The following LRP1B variants were observed in gnomAD, a reference collection of about 807,000 sequenced individuals.
LRP1B encodes the protein LDL receptor related protein 1B, also known as low-density lipoprotein receptor-related protein 1B.
In LRP1B, 217 loss-of-function variants were observed where a neutral mutation model predicts 556.6. The observed-to-expected ratio is 0.39, with a 90% CI of 0.35 to 0.44. The LOEUF (loss-of-function observed/expected upper bound fraction) is 0.44, where lower values mean the gene tolerates loss of function less well. Ranked by LOEUF, LRP1B falls within the 20% of genes least tolerant of loss-of-function variation. The pLI is 1.00. For synonymous variants in LRP1B, 2,047 were observed against 1,865.8 expected, an observed-to-expected ratio of 1.10 and a Z score of -2.50; for missense variants, 5,053 against 5,620.8, an observed-to-expected ratio of 0.90 and a Z score of 3.23.
intron 1 of LRP1B, among the ~76,000 whole-genome samples, chr2:141,929,038 G>C (rs2104990223): frequency 6.6e-6 from 1 of 152,122 alleles, no homozygotes; most frequent in Middle Eastern, 3.4e-3. Flanking sequence ...ATTCATTTTT[G>C]CCTGGATCCT....
chr2:141,162,103 A>G (rs967624680), intron 7 of LRP1B, among the ~76,000 whole-genome samples: 4 of 152,052 alleles, frequency 2.6e-5, no homozygotes, highest in Non-Finnish European at 4.4e-5. Flanking sequence ...TATAACAGTA[A>G]CCTCAGGCCA....
At chr2:141,179,935 CAGTA>C (rs1287650235) in intron 7 of LRP1B, among the ~76,000 whole-genome samples, 1 of 139,486 alleles carries the variant, frequency 7.2e-6, no homozygotes, top group Admixed American at 7.6e-5. Flanking sequence ...ATATAGCCTA[CAGTA>C]AAATCTCAAA....
At chr2:141,004,613 T>C (rs1486692220) in intron 15 of LRP1B, among the ~76,000 whole-genome samples, 1 of 152,072 alleles carries the variant, frequency 6.6e-6, no homozygotes, top group Non-Finnish European at 1.5e-5. Context: ...TTATAATAAA[T>C]CTTCTCTCTA....
chr2:140,752,388 A>C lies in LRP1B; in HGVS notation c.5758+16825T>G, dbSNP rs140836935. Among the ~76,000 whole-genome samples the C allele has an allele frequency of 6.0e-5, 9 of 151,162 alleles. No individual in the cohort carries two copies. The East Asian group carries it at 1.8e-3, about 30-fold the overall frequency. On this transcript the variant is annotated intron_variant, in intron 35 of 90. Transcript: ENST00000389484. ...GCCCAGGTTTGGAGTGCAGTGGCACAATCTCGGCTCACTGCAAACTTCACC... is the reference window on the plus strand; with the variant it reads ...GCCCAGGTTTGGAGTGCAGTGGCACCATCTCGGCTCACTGCAAACTTCACC...
chr2:141,355,737 T>C (rs1226793612), intron 3 of LRP1B, among the ~76,000 whole-genome samples: 2 of 151,588 alleles, frequency 1.3e-5, no homozygotes, highest in Non-Finnish European at 2.9e-5. Flanking sequence ...TAACTAGTAT[T>C]ATAAGAGATA....
At chr2:141,578,408 A>G (rs1004748322) in intron 2 of LRP1B, among the ~76,000 whole-genome samples, 2 of 151,692 alleles carry the variant, frequency 1.3e-5, no homozygotes, top group Non-Finnish European at 2.9e-5. Flanking sequence ...AAAAAAAAAA[A>G]AAAGAAAAAA....
Position 140,345,729 on chromosome 2 carries a change from CAT to C in LRP1B, c.11892+5066_11892+5067del, listed in dbSNP as rs373184782. Among the ~76,000 whole-genome samples, 101 of 125,208 alleles carry C rather than the reference CAT, an allele frequency of 8.1e-4. 1 individual carries two copies. The highest frequency in any genetic ancestry group is 2.7e-3 in the African/African-American group (94 of 35,204). The allele number at this position is 125,208 out of a possible 152,430, so 82.1% of individuals were successfully genotyped here. On this transcript the variant is annotated intron_variant, in intron 77 of 90. Coordinates refer to ENST00000389484, the MANE Select transcript of LRP1B (RefSeq NM_018557.3). ...TAACTCATATATGTATATATATACA[CAT>C]ATATATACATATATATACACATATA...
intron 7 of LRP1B, among the ~76,000 whole-genome samples, chr2:141,133,998 C>A (rs1328695934): frequency 6.6e-6 from 1 of 151,838 alleles, no homozygotes; most frequent in Non-Finnish European, 1.5e-5. Flanking sequence ...TACATGCATA[C>A]CCAGAGAGAG....
chr2:140,701,167 A>C (rs17204976), intron 40 of LRP1B, among the ~76,000 whole-genome samples: 7,170 of 125,300 alleles, frequency 0.057, 256 homozygotes, highest in Middle Eastern at 0.14. Context: ...TATCTCCAAC[A>C]TTATTATAAC....
intron 2 of LRP1B, among the ~76,000 whole-genome samples, chr2:141,716,800 T>A (rs1479674074): frequency 6.6e-6 from 1 of 152,204 alleles, no homozygotes; most frequent in Non-Finnish European, 1.5e-5. Flanking sequence ...GCTCTGCAAT[T>A]GATTGTAAGC....
At chr2:141,298,251 A>G (rs1259047736) in intron 3 of LRP1B, among the ~76,000 whole-genome samples, 2 of 152,174 alleles carry the variant, frequency 1.3e-5, no homozygotes. Context: ...GCCTTGCCCA[A>G]AGAAAATTTT....
At chr2:140,816,414 C>A (rs1691126753) in intron 31 of LRP1B, among the ~76,000 whole-genome samples, 1 of 152,084 alleles carries the variant, frequency 6.6e-6, no homozygotes, top group African/African-American at 2.4e-5. Context: ...CAGCACCTGG[C>A]CCCAACTGAA....
chr2:141,942,509 A>AAAAAAAAAAAACAAACCAACCAAAAC (rs1700840021), intron 1 of LRP1B, among the ~76,000 whole-genome samples: 1 of 151,940 alleles, frequency 6.6e-6, no homozygotes, highest in African/African-American at 2.4e-5. Context: ...CAAAACAAAA[A>AAAAAAAAAAAACAAACCAACCAAAAC]AAAAAACAAA....
At chr2:140,751,419 A>G (rs1337599158) in intron 35 of LRP1B, among the ~76,000 whole-genome samples, 3 of 152,236 alleles carry the variant, frequency 2.0e-5, no homozygotes, top group African/African-American at 4.8e-5. Context: ...TTAATCTTCA[A>G]AATCCTTGTG....
rs2105373871 is a variant in LRP1B at position 141,005,419 on chromosome 2, T to C, written c.2419A>G (p.Thr807Ala). The C allele has an allele frequency of 1.2e-6, 2 of 1,611,654 alleles. No individual in the cohort carries two copies. Among genetic ancestry groups the C allele is most frequent in the Non-Finnish European group, 1.7e-6 (2 of 1,178,400 alleles). The change falls in exon 15 of 91, where the codon ACA (threonine) becomes GCA (alanine). Residue 807 changes from threonine to alanine, a missense_variant. Coordinates refer to ENST00000389484, the MANE Select transcript of LRP1B (RefSeq NM_018557.3). ...MCRVNNGGCS[T>A]LCLAIPGGRV... The stretch of plus-strand genomic sequence containing the variant: ...CCTCCTGGGATAGCCAAGCAAAGTG[T>C]ACTACAGCCCCCATTATTTACTCGG...
At chr2:142,098,032 G>A (rs1051658010) in intron 1 of LRP1B, among the ~76,000 whole-genome samples, 1 of 151,560 alleles carries the variant, frequency 6.6e-6, no homozygotes, top group African/African-American at 2.4e-5. Flanking sequence ...TTAATGTTTT[G>A]AAGAACAAGA....
chr2:140,931,889 C>A (rs1386557347), intron 20 of LRP1B, among the ~76,000 whole-genome samples: 2 of 152,102 alleles, frequency 1.3e-5, no homozygotes, highest in Non-Finnish European at 2.9e-5. Context: ...TTCCCATTCA[C>A]TGTTTGTATT....
chr2:141,502,312 G>A (rs1683745940), intron 2 of LRP1B, among the ~76,000 whole-genome samples: 1 of 152,132 alleles, frequency 6.6e-6, no homozygotes, highest in Non-Finnish European at 1.5e-5. Flanking sequence ...ATATAACAAG[G>A]CTGATAATCT....
rs533383430 is a variant in LRP1B, at chr2:141,586,096, A to C, written c.206-105563T>G. The stretch of plus-strand genomic sequence containing the variant: ...AGTAATCTTATCCTGGAAGTAGAAT[A>C]GTCTGGTGAAATCATTAAACCTTTT... On this transcript the variant is annotated intron_variant, in intron 2 of 90. Coordinates refer to ENST00000389484, the MANE Select transcript of LRP1B (RefSeq NM_018557.3). Among the ~76,000 whole-genome samples the C allele has an allele frequency of 7.2e-5, 11 of 152,300 alleles. No individual in the cohort carries two copies. The East Asian group carries it at 2.1e-3, about 29-fold the overall frequency.
Sources: allele counts gnomAD v4.1 joint callset (sites outside exome capture counted in the v4.1 genomes callset), GRCh38; gene constraint gnomAD v4.1.1; transcripts MANE v1.5; gene names NCBI Gene and HGNC (gene_info 2026-07-23, HGNC 2026-07-21).